ADAM32: variants seen among roughly 807,000 people sequenced by gnomAD.
The protein encoded by ADAM32 is disintegrin and metalloproteinase domain-containing protein 32.
A neutral mutation model predicts 114.9 loss-of-function variants in ADAM32; 89 were observed. The ratio of observed to expected loss-of-function variants is 0.77; its 90% CI spans 0.65 to 0.92. ADAM32 has a LOEUF of 0.92. Ranked by LOEUF, ADAM32 falls within the 40% of genes least tolerant of loss-of-function variation. ADAM32 has a pLI of 0.00. For synonymous variants in ADAM32, 285 were observed against 307.5 expected (o/e 0.93, Z 0.77); for missense variants, 870 against 932.8 (o/e 0.93, Z 0.88).
chr8:39,237,066 GAC>G (rs1286530109), intron 16 of ADAM32, among the ~76,000 whole-genome samples: 1 of 152,192 alleles, frequency 6.6e-6, no homozygotes, highest in Non-Finnish European at 1.5e-5. Flanking sequence ...TCTGGCTCTG[GAC>G]ACACATCCTT....
At chr8:39,123,704 C>CTTTTTTTT (rs34747712) in intron 2 of ADAM32, among the ~76,000 whole-genome samples, 14 of 132,174 alleles carry the variant, frequency 1.1e-4, no homozygotes, top group African/African-American at 2.9e-4. Flanking sequence ...ATTTTCTTTC[C>CTTTTTTTT]TTTTTTTTTT....
intron 1 of ADAM32, 67 bp downstream of exon 1, chr8:39,107,900 G>C: frequency 1.4e-6 from 2 of 1,455,260 alleles, no homozygotes; most frequent in South Asian, 2.8e-5. Context: ...TCCCTGCAAA[G>C]CCCGGGGCCC....
At chr8:39,223,000 A>G in intron 13 of ADAM32, 40 bp from the exon 14 acceptor site, 1 of 1,453,798 alleles carries the variant, frequency 6.9e-7, no homozygotes, top group Non-Finnish European at 9.2e-7. Flanking sequence ...CAGTAATCCT[A>G]TTTGTAATGC....
intron 9 of ADAM32, chr8:39,167,425 A>T (rs1190819680): frequency 6.6e-6 from 1 of 152,194 alleles, no homozygotes; most frequent in East Asian, 1.9e-4. Context: ...TACCAGTATC[A>T]TGCTGTTTTG....
chr8:39,260,490 G>T (rs993400324), intron 19 of ADAM32, among the ~76,000 whole-genome samples: 1 of 152,044 alleles, frequency 6.6e-6, no homozygotes, highest in Non-Finnish European at 1.5e-5. Flanking sequence ...TTATGTTGAG[G>T]TATATTTCTT....
chr8:39,254,402 A>G lies in ADAM32; in HGVS notation c.1903-12A>G. 6.4e-7 allele frequency: 1 copy of G among 1,563,876 alleles called. No individual in the cohort carries two copies. The highest frequency in any genetic ancestry group is 8.7e-7 in the Non-Finnish European group (1 of 1,149,460). On this transcript the variant is annotated splice_polypyrimidine_tract_variant and intron_variant, in intron 17 of 24. Coordinates refer to ENST00000379907, the MANE Select transcript of ADAM32 (RefSeq NM_145004.7). The stretch of plus-strand genomic sequence containing the variant: ...TTTAAAACAATCATTTAATTTTTCA[A>G]AATGATCCTAGGTGTGTGATTCCAG...
chr8:39,266,247 C>G (rs1295669228), intron 19 of ADAM32, among the ~76,000 whole-genome samples: 5 of 152,158 alleles, frequency 3.3e-5, no homozygotes, highest in African/African-American at 1.2e-4. Flanking sequence ...GAAGTATTCT[C>G]CAATATGTTT....
chr8:39,113,227 G>A (rs1319226478), intron 1 of ADAM32, among the ~76,000 whole-genome samples: 2 of 152,152 alleles, frequency 1.3e-5, no homozygotes, highest in Non-Finnish European at 2.9e-5. Context: ...ACATGAATGG[G>A]GTCGTCTTAG....
intron 10 of ADAM32, among the ~76,000 whole-genome samples, chr8:39,176,879 G>A (rs1185108180): frequency 3.3e-5 from 5 of 152,118 alleles, no homozygotes; most frequent in Admixed American, 2.0e-4. Flanking sequence ...CCTGTATCGG[G>A]TGCTTATGTA....
intron 9 of ADAM32, 161 bp downstream of exon 9, chr8:39,165,357 T>C (rs913872807): frequency 1.8e-6 from 1 of 550,562 alleles, no homozygotes. Flanking sequence ...TGTCAGGCAA[T>C]AAAAAACTTT....
intron 6 of ADAM32, 126 bp downstream of exon 6, chr8:39,151,674 TC>T: frequency 5.6e-6 from 3 of 532,272 alleles, no homozygotes; most frequent in Non-Finnish European, 8.3e-6. Context: ...GAACATCTTA[TC>T]TTTTTTTTTT....
At chr8:39,193,372 CCTGA>C (rs1423245095) in intron 11 of ADAM32, among the ~76,000 whole-genome samples, 9 of 152,212 alleles carry the variant, frequency 5.9e-5, no homozygotes, top group Admixed American at 3.9e-4. Context: ...TCTTTTCTAT[CCTGA>C]CTATTTTGTC....
intron 3 of ADAM32, among the ~76,000 whole-genome samples, chr8:39,145,252 G>A (rs34810791): frequency 0.43 from 65,086 of 151,928 alleles, 14,153 homozygotes; most frequent in East Asian, 0.59. Context: ...CAAATTCAAC[G>A]CAATCCCTAC....
intron 9 of ADAM32, chr8:39,167,418 C>A (rs973266386): frequency 6.6e-6 from 1 of 152,176 alleles, no homozygotes; most frequent in East Asian, 1.9e-4. Context: ...ATTTTTATAC[C>A]AGTATCATGC....
intron 11 of ADAM32, among the ~76,000 whole-genome samples, chr8:39,198,328 C>T (rs2129447707): frequency 6.6e-6 from 1 of 152,138 alleles, no homozygotes; most frequent in East Asian, 1.9e-4. Context: ...TTAGGACTTA[C>T]TCCTGTCATT....
At chr8:39,148,729 C>A (rs1311483245) in intron 4 of ADAM32, among the ~76,000 whole-genome samples, 2 of 152,134 alleles carry the variant, frequency 1.3e-5, no homozygotes, top group Non-Finnish European at 2.9e-5. Flanking sequence ...TGGATGGGAT[C>A]ATCATTTTGC....
intron 10 of ADAM32, among the ~76,000 whole-genome samples, chr8:39,183,652 C>T (rs988894226): frequency 1.3e-5 from 2 of 152,152 alleles, no homozygotes; most frequent in African/African-American, 4.8e-5. Context: ...TTTAAAAAAT[C>T]ATTAGTGACA....
rs571710642 is a variant in ADAM32, at chr8:39,278,690, C to T, written c.2280-2446C>T. Among the ~76,000 whole-genome samples, 5 of 151,466 alleles carry T rather than the reference C, an allele frequency of 3.3e-5. No individual in the cohort carries two copies. The South Asian group carries it at 8.3e-4, about 25-fold the overall frequency. On this transcript the variant is annotated intron_variant, in intron 22 of 24. Coordinates refer to ENST00000379907, the MANE Select transcript of ADAM32 (RefSeq NM_145004.7). The stretch of plus-strand genomic sequence containing the variant: ...AATCATTTTTATATTAAATTAATAC[C>T]TGCTAAGAGCTTAAAACGTATTTAT...
chr8:39,110,876 C>T (rs1278810471), intron 1 of ADAM32, among the ~76,000 whole-genome samples: 1 of 152,154 alleles, frequency 6.6e-6, no homozygotes, highest in African/African-American at 2.4e-5. Context: ...AGCAGTCACT[C>T]CTCATGTCCT....
Sources: allele counts gnomAD v4.1 joint callset (sites outside exome capture counted in the v4.1 genomes callset), GRCh38; gene constraint gnomAD v4.1.1; transcripts MANE v1.5; gene names NCBI Gene and HGNC (gene_info 2026-07-23, HGNC 2026-07-21).